Variants in ZFPM2 observed in about 807,000 individuals in gnomAD.
ZFPM2 encodes zinc finger protein ZFPM2.
In ZFPM2, 20 loss-of-function variants were observed where a neutral mutation model predicts 98.6. That is an observed-to-expected ratio of 0.20 (90% CI 0.14 to 0.29). The LOEUF (loss-of-function observed/expected upper bound fraction) is 0.29, where lower values mean the gene tolerates loss of function less well. ZFPM2 is among the 10% of genes least tolerant of loss of function. ZFPM2 has a pLI of 1.00. For missense variants in ZFPM2, 1,310 were observed against 1,388.6 expected, an observed-to-expected ratio of 0.94 and a Z score of 0.90; for synonymous variants, 518 against 502.7, an observed-to-expected ratio of 1.03 and a Z score of -0.41.
At chr8:105,766,044 T>C (rs1311658725) in intron 5 of ZFPM2, among the ~76,000 whole-genome samples, 1 of 151,868 alleles carries the variant, frequency 6.6e-6, no homozygotes, top group African/African-American at 2.4e-5. Flanking sequence ...TGTTATGTGG[T>C]TTGAGTGTTG....
At chr8:105,455,604 A>T (rs141588758) in intron 3 of ZFPM2, among the ~76,000 whole-genome samples, 105 of 149,774 alleles carry the variant, frequency 7.0e-4, no homozygotes, top group African/African-American at 2.4e-3. Context: ...ATAAAAAAAG[A>T]AACGACTCTG....
At chr8:105,757,325 T>C (rs2131065022) in intron 5 of ZFPM2, among the ~76,000 whole-genome samples, 1 of 152,302 alleles carries the variant, frequency 6.6e-6, no homozygotes, top group East Asian at 1.9e-4. Flanking sequence ...TGCATATGCT[T>C]TGCTTTAAAA....
intron 4 of ZFPM2, among the ~76,000 whole-genome samples, chr8:105,574,948 A>G (rs983522553): frequency 2.0e-5 from 3 of 152,042 alleles, no homozygotes; most frequent in Non-Finnish European, 4.4e-5. Flanking sequence ...AGGAAAAAAA[A>G]AAATAGCACT....
At chr8:105,491,778 T>G (rs1172044766) in intron 3 of ZFPM2, among the ~76,000 whole-genome samples, 2 of 152,216 alleles carry the variant, frequency 1.3e-5, no homozygotes, top group Non-Finnish European at 2.9e-5. Flanking sequence ...AATAGTGAAT[T>G]TATTGCCTTA....
At chr8:105,454,582 G>A (rs1812551919) in intron 3 of ZFPM2, among the ~76,000 whole-genome samples, 2 of 152,182 alleles carry the variant, frequency 1.3e-5, no homozygotes, top group Non-Finnish European at 2.9e-5. Flanking sequence ...TCCGATGTTT[G>A]TGAAGTTTCT....
chr8:105,398,606 G>A (rs891969605), intron 1 of ZFPM2, among the ~76,000 whole-genome samples: 1 of 152,064 alleles, frequency 6.6e-6, no homozygotes, highest in African/African-American at 2.4e-5. Flanking sequence ...CTCATAAGGA[G>A]CATGCAACCT....
chr8:105,751,465 T>C (rs931990122), intron 5 of ZFPM2, among the ~76,000 whole-genome samples: 1 of 152,048 alleles, frequency 6.6e-6, no homozygotes, highest in Non-Finnish European at 1.5e-5. Flanking sequence ...GGTGTAGCCA[T>C]TGATGCTTTA....
chr8:105,348,248 A>T (rs1463277551), intron 1 of ZFPM2, among the ~76,000 whole-genome samples: 1 of 152,246 alleles, frequency 6.6e-6, no homozygotes, highest in Non-Finnish European at 1.5e-5. Flanking sequence ...AATGCTGACT[A>T]TTCCATGCTT....
intron 5 of ZFPM2, among the ~76,000 whole-genome samples, chr8:105,654,412 A>G (rs1271069609): frequency 6.6e-6 from 1 of 152,120 alleles, no homozygotes; most frequent in Non-Finnish European, 1.5e-5. Context: ...TGGTGTCTGG[A>G]GAGTTATGAT....
chr8:105,545,986 A>G (rs1042730071), intron 3 of ZFPM2, among the ~76,000 whole-genome samples: 38 of 152,278 alleles, frequency 2.5e-4, no homozygotes, highest in African/African-American at 8.9e-4. Flanking sequence ...CTTTACAGCC[A>G]CATACCTCTG....
chr8:105,376,420 C>CTGTCTCTGAAAGGCTTTAAAATCTTT (rs1810725490), intron 1 of ZFPM2, among the ~76,000 whole-genome samples: 1 of 152,176 alleles, frequency 6.6e-6, no homozygotes, highest in Non-Finnish European at 1.5e-5. Context: ...TAAATACCTT[C>CTGTCTCTGAAAGGCTTTAAAATCTTT]TGTCTCTGAA....
intron 1 of ZFPM2, among the ~76,000 whole-genome samples, chr8:105,338,487 C>G (rs563830309): frequency 6.6e-6 from 1 of 151,762 alleles, no homozygotes; most frequent in Non-Finnish European, 1.5e-5. Flanking sequence ...TAAGTCTTTA[C>G]TAGCTTATTT....
intron 5 of ZFPM2, among the ~76,000 whole-genome samples, chr8:105,764,287 GAC>G (rs59943408): frequency 0.076 from 10,594 of 139,362 alleles, 447 homozygotes; most frequent in South Asian, 0.1. Flanking sequence ...CTCTCTCTCT[GAC>G]ACACACACAC....
intron 1 of ZFPM2, among the ~76,000 whole-genome samples, chr8:105,325,235 C>T (rs1362442373): frequency 6.6e-6 from 1 of 151,782 alleles, no homozygotes; most frequent in African/African-American, 2.4e-5. Context: ...AAGTATGTAT[C>T]GTTTAATAAG....
At chr8:105,490,250 A>G (rs1347572342) in intron 3 of ZFPM2, among the ~76,000 whole-genome samples, 1 of 152,214 alleles carries the variant, frequency 6.6e-6, no homozygotes, top group Non-Finnish European at 1.5e-5. Context: ...CCGTCTCAAA[A>G]AAAAAGAAAA....
intron 5 of ZFPM2, among the ~76,000 whole-genome samples, chr8:105,694,074 C>T (rs1404637270): frequency 2.0e-5 from 3 of 147,492 alleles, no homozygotes; most frequent in Non-Finnish European, 1.5e-5. Context: ...GCAAGCTCTG[C>T]CTCTCGGGTT....
At chr8:105,638,131 A>T (rs1316945949) in intron 5 of ZFPM2, among the ~76,000 whole-genome samples, 1 of 152,010 alleles carries the variant, frequency 6.6e-6, no homozygotes, top group African/African-American at 2.4e-5. Flanking sequence ...TCAGATAAGT[A>T]GTGGCAAGCT....
intron 5 of ZFPM2, among the ~76,000 whole-genome samples, chr8:105,710,135 T>TA (rs776601180): frequency 5.5e-4 from 84 of 151,640 alleles, no homozygotes; most frequent in Non-Finnish European, 8.0e-4. Flanking sequence ...TCAACTGAGA[T>TA]AAAAAAAACT....
intron 4 of ZFPM2, among the ~76,000 whole-genome samples, chr8:105,621,312 G>C (rs1272290044): frequency 3.3e-5 from 5 of 152,130 alleles, no homozygotes; most frequent in Non-Finnish European, 7.4e-5. Context: ...GTTCACTCAT[G>C]ATTGGCTCTC....
Sources: gnomAD v4.1 joint callset for allele counts (sites outside exome capture counted in the v4.1 genomes callset) on GRCh38, gnomAD v4.1.1 for gene constraint, MANE v1.5 for transcripts, NCBI Gene and HGNC (gene_info 2026-07-23, HGNC 2026-07-21) for gene names.